The following TMEM163 variants were observed in gnomAD, a reference collection of about 807,000 sequenced individuals.
The protein encoded by TMEM163 is transmembrane protein 163.
Under a neutral mutation model 29.3 loss-of-function variants are expected in TMEM163, and 17 were observed. That is an observed-to-expected ratio of 0.58 (90% CI 0.40 to 0.87). TMEM163 has a LOEUF of 0.87. TMEM163 is among the 40% of genes least tolerant of loss of function. The pLI is 0.00. For missense variants in TMEM163, 303 were observed against 381.5 expected (o/e 0.79, Z 1.71); for synonymous variants, 157 against 160.6 (o/e 0.98, Z 0.17).
intron 6 of TMEM163, among the ~76,000 whole-genome samples, chr2:134,462,370 T>C (rs1686564100): frequency 6.6e-6 from 1 of 152,142 alleles, no homozygotes; most frequent in Middle Eastern, 3.2e-3. Flanking sequence ...ACAGCACTCA[T>C]GTCACCCTAC....
chr2:134,615,687 G>A (rs906297939), intron 2 of TMEM163, among the ~76,000 whole-genome samples: 1 of 133,326 alleles, frequency 7.5e-6, no homozygotes, highest in South Asian at 2.4e-4. Context: ...GATGGAATCT[G>A]GCTCTGTCAC....
chr2:134,557,808 G>C (rs895714978), intron 2 of TMEM163, among the ~76,000 whole-genome samples: 6 of 152,108 alleles, frequency 3.9e-5, no homozygotes, highest in Non-Finnish European at 5.9e-5. Context: ...TTTCTTTGTG[G>C]GCAAATTGTG....
At chr2:134,558,666 C>A (rs1681099624) in intron 2 of TMEM163, among the ~76,000 whole-genome samples, 1 of 152,166 alleles carries the variant, frequency 6.6e-6, no homozygotes, top group Non-Finnish European at 1.5e-5. Context: ...GCCAGCAAGG[C>A]AACAGAGGAT....
intron 2 of TMEM163, among the ~76,000 whole-genome samples, chr2:134,587,387 G>A (rs953345306): frequency 1.3e-5 from 2 of 152,150 alleles, no homozygotes; most frequent in African/African-American, 4.8e-5. Flanking sequence ...CTCCAGCCTG[G>A]GTGACAGAGC....
chr2:134,459,649 C>T (rs1686489362), intron 6 of TMEM163, among the ~76,000 whole-genome samples: 1 of 151,994 alleles, frequency 6.6e-6, no homozygotes. Context: ...GTTCCCTCCT[C>T]CCCCAGCCCT....
chr2:134,470,230 G>A (rs747036533), intron 5 of TMEM163, among the ~76,000 whole-genome samples: 2 of 152,040 alleles, frequency 1.3e-5, no homozygotes, highest in South Asian at 4.1e-4. Flanking sequence ...GGTGGCGGGC[G>A]CCTGTAGTCC....
At chr2:134,577,374 C>T (rs781045203) in intron 2 of TMEM163, among the ~76,000 whole-genome samples, 7 of 152,040 alleles carry the variant, frequency 4.6e-5, no homozygotes, top group East Asian at 1.9e-4. Flanking sequence ...CTTTAGACGG[C>T]GAAAATGAAG....
intron 2 of TMEM163, among the ~76,000 whole-genome samples, chr2:134,586,819 C>A (rs528354473): frequency 6.6e-6 from 1 of 152,302 alleles, no homozygotes; most frequent in South Asian, 2.1e-4. Flanking sequence ...AGAAATGTAG[C>A]AAGTGGCAGA....
chr2:134,617,296 C>T (rs976820343), intron 2 of TMEM163, among the ~76,000 whole-genome samples: 4 of 152,094 alleles, frequency 2.6e-5, no homozygotes, highest in Admixed American at 6.6e-5. Context: ...ACAAGAAACA[C>T]TCAATAAGTG....
intron 5 of TMEM163, among the ~76,000 whole-genome samples, chr2:134,487,808 A>G (rs903029532): frequency 1.6e-4 from 25 of 152,306 alleles, no homozygotes; most frequent in African/African-American, 6.0e-4. Flanking sequence ...ATCTGAGTAA[A>G]AGAAAAACCA....
chr2:134,702,608 G>C (rs1466656367), intron 2 of TMEM163, among the ~76,000 whole-genome samples: 3 of 152,066 alleles, frequency 2.0e-5, no homozygotes, highest in Non-Finnish European at 4.4e-5. Context: ...TTGTGCCACT[G>C]CACTCCAGCC....
Position 134,494,542 on chromosome 2 carries a change from T to C in TMEM163, c.555+8359A>G, listed in dbSNP as rs1020527598. Among the ~76,000 whole-genome samples the C allele has an allele frequency of 1.3e-4, 20 of 151,866 alleles. 1 individual carries two copies. The highest frequency in any genetic ancestry group is 1.1e-3 in the Admixed American group (17 of 15,246). On this transcript the variant is annotated intron_variant, in intron 5 of 7. Coordinates refer to ENST00000281924, the MANE Select transcript of TMEM163 (RefSeq NM_030923.5). The stretch of plus-strand genomic sequence containing the variant: ...GAAGAGCGTCCCTGAAGGCATTTCA[T>C]GGACTGTTTGATACGGCTTAATCTT...
intron 2 of TMEM163, among the ~76,000 whole-genome samples, chr2:134,670,160 A>AGC (rs1239581518): frequency 1.3e-5 from 2 of 152,216 alleles, no homozygotes; most frequent in Non-Finnish European, 2.9e-5. Flanking sequence ...CTCTCAAAAT[A>AGC]GCAATTTACC....
chr2:134,707,665 C>A (rs530277274), intron 2 of TMEM163, among the ~76,000 whole-genome samples: 2 of 152,030 alleles, frequency 1.3e-5, no homozygotes, highest in South Asian at 4.2e-4. Flanking sequence ...GCAGGAGGGG[C>A]ACAAAGGGAA....
chr2:134,714,680 A>G (rs1188884113), intron 1 of TMEM163, among the ~76,000 whole-genome samples: 1 of 152,354 alleles, frequency 6.6e-6, no homozygotes, highest in East Asian at 1.9e-4. Flanking sequence ...AGGCTTACAC[A>G]GAATCAAAAG....
Position 134,465,313 on chromosome 2 carries a change from TAA to T in TMEM163, c.667+799_667+800del, listed in dbSNP as rs1159891415. Among the ~76,000 whole-genome samples the T allele has an allele frequency of 2.0e-5, 3 of 151,394 alleles. No individual in the cohort carries two copies. In the East Asian group the frequency reaches 5.8e-4, roughly 29 times the overall value. On this transcript the variant is annotated intron_variant, in intron 6 of 7. Coordinates refer to ENST00000281924, the MANE Select transcript of TMEM163 (RefSeq NM_030923.5). The stretch of plus-strand genomic sequence containing the variant: ...ATATACATATACAGACACATATATA[TAA>T]ACTTTTTAAAAAAGAATCCACATAT...
At chr2:134,673,571 C>T (rs1172594873) in intron 2 of TMEM163, among the ~76,000 whole-genome samples, 3 of 152,096 alleles carry the variant, frequency 2.0e-5, no homozygotes, top group African/African-American at 7.2e-5. Context: ...CCTGAGATGA[C>T]GAGATTAGCC....
chr2:134,676,923 A>T (rs1168682061), intron 2 of TMEM163, among the ~76,000 whole-genome samples: 1 of 152,178 alleles, frequency 6.6e-6, no homozygotes, highest in Non-Finnish European at 1.5e-5. Context: ...GAACCAACTG[A>T]TAAACCACCA....
chr2:134,622,399 T>C (rs1235715370), intron 2 of TMEM163, among the ~76,000 whole-genome samples: 1 of 152,200 alleles, frequency 6.6e-6, no homozygotes, highest in Non-Finnish European at 1.5e-5. Flanking sequence ...AGAATGCTAA[T>C]TTGCTGTAAT....
Sources: allele counts gnomAD v4.1 joint callset (sites outside exome capture counted in the v4.1 genomes callset), GRCh38; gene constraint gnomAD v4.1.1; transcripts MANE v1.5; gene names NCBI Gene and HGNC (gene_info 2026-07-23, HGNC 2026-07-21).